Variants in VIT observed in about 807,000 individuals in gnomAD.
VIT encodes vitrin.
Under a neutral mutation model 78.0 loss-of-function variants are expected in VIT, and 99 were observed. The ratio of observed to expected loss-of-function variants is 1.27; its 90% CI spans 1.08 to 1.50. The LOEUF is 1.50. Ranked by LOEUF, VIT falls within the 40% of genes most tolerant of loss-of-function variation. VIT has a pLI of 0.00. For missense variants in VIT, 1,126 were observed against 875.3 expected, an observed-to-expected ratio of 1.29 and a Z score of -3.61; for synonymous variants, 374 against 334.3, an observed-to-expected ratio of 1.12 and a Z score of -1.29.
intron 12 of VIT, among the ~76,000 whole-genome samples, chr2:36,799,647 G>C (rs1215472952): frequency 6.6e-6 from 1 of 151,598 alleles, no homozygotes; most frequent in Non-Finnish European, 1.5e-5. Flanking sequence ...AGCCCAGGAA[G>C]TTGAGGCTGC....
Position 36,814,579 on chromosome 2 carries a change from T to G in VIT, c.*218T>G. The G allele has an allele frequency of 1.8e-6, 1 of 561,324 alleles. No homozygotes were observed. The highest frequency in any genetic ancestry group is 3.0e-5 in the East Asian group (1 of 33,506). The allele number at this position is 561,324 out of a possible 1,614,324, so 34.8% of individuals were successfully genotyped here. A position where few individuals can be genotyped will look rare whatever the true frequency, so the allele number is the denominator to read the frequency against. The stretch of plus-strand genomic sequence containing the variant: ...GTATAGAATGAGCCAAAAGGCTACA[T>G]CATGTTGAGGGTGCTGGAGATTTTA... On this transcript the variant is annotated 3_prime_UTR_variant, in exon 16 of 16. Transcript: ENST00000379242.
intron 13 of VIT, among the ~76,000 whole-genome samples, chr2:36,802,796 T>A (rs1003233892): frequency 6.6e-6 from 1 of 152,160 alleles, no homozygotes; most frequent in African/African-American, 2.4e-5. Flanking sequence ...TTGTCCAGAG[T>A]TTGGGTTCTG....
At chr2:36,756,035 G>T (rs558726680) in intron 5 of VIT, among the ~76,000 whole-genome samples, 4 of 143,604 alleles carry the variant, frequency 2.8e-5, no homozygotes, top group Non-Finnish European at 6.0e-5. Flanking sequence ...TCGGCTCACC[G>T]CAACCTCTGC....
At chr2:36,801,912 G>T (rs962804800) in intron 13 of VIT, among the ~76,000 whole-genome samples, 1 of 152,120 alleles carries the variant, frequency 6.6e-6, no homozygotes, top group Non-Finnish European at 1.5e-5. Flanking sequence ...TGCAAGAAGG[G>T]GTAGCATTCT....
At chr2:36,808,202 T>C (rs1265760017) in intron 14 of VIT, among the ~76,000 whole-genome samples, 1 of 152,168 alleles carries the variant, frequency 6.6e-6, no homozygotes, top group Admixed American at 6.5e-5. Flanking sequence ...GAGATTTAAT[T>C]TCTCCCTATG....
chr2:36,733,343 T>TC (rs201443741), intron 3 of VIT, among the ~76,000 whole-genome samples: 3,766 of 151,622 alleles, frequency 0.025, 145 homozygotes, highest in African/African-American at 0.085. Context: ...TCTCTCTCTC[T>TC]CCCCCCCTCT....
At chr2:36,752,748 T>A (rs1009666201) in intron 4 of VIT, among the ~76,000 whole-genome samples, 3 of 152,204 alleles carry the variant, frequency 2.0e-5, no homozygotes, top group Non-Finnish European at 2.9e-5. Flanking sequence ...AGCATAACAA[T>A]TGGCTCTCAC....
intron 10 of VIT, among the ~76,000 whole-genome samples, chr2:36,782,893 T>C (rs1259383930): frequency 1.3e-5 from 2 of 152,242 alleles, no homozygotes; most frequent in Non-Finnish European, 2.9e-5. Context: ...GTCCTTCTTG[T>C]GCCTTACTCA....
At chr2:36,782,537 C>T (rs1479723029) in intron 10 of VIT, among the ~76,000 whole-genome samples, 2 of 152,228 alleles carry the variant, frequency 1.3e-5, no homozygotes, top group Non-Finnish European at 2.9e-5. Context: ...CCGGAACTTC[C>T]GGGCCTCCTG....
intron 9 of VIT, among the ~76,000 whole-genome samples, chr2:36,781,135 C>T (rs1470796175): frequency 1.3e-5 from 2 of 152,126 alleles, no homozygotes; most frequent in South Asian, 4.1e-4. Flanking sequence ...GGGAAATAAG[C>T]GGATTGCCTG....
At chr2:36,794,921 A>C (rs1463234030) in intron 12 of VIT, among the ~76,000 whole-genome samples, 1 of 152,200 alleles carries the variant, frequency 6.6e-6, no homozygotes, top group Non-Finnish European at 1.5e-5. Flanking sequence ...TATGCCTCTG[A>C]AGATGGATTC....
At chr2:36,758,609 G>C (rs925117535) in intron 5 of VIT, among the ~76,000 whole-genome samples, 4 of 152,224 alleles carry the variant, frequency 2.6e-5, no homozygotes, top group African/African-American at 9.6e-5. Context: ...TCTCAAAGGA[G>C]AGCATGTGGA....
At chr2:36,798,004 G>GCAAATGCA (rs1666032537) in intron 12 of VIT, among the ~76,000 whole-genome samples, 1 of 152,050 alleles carries the variant, frequency 6.6e-6, no homozygotes, top group South Asian at 2.1e-4. Context: ...GAAGAAGTGA[G>GCAAATGCA]CAAATGCACA....
Position 36,719,274 on chromosome 2 carries a change from G to C in VIT, c.52+2852G>C, listed in dbSNP as rs1666346698. Among the ~76,000 whole-genome samples, 6 of 152,146 alleles carry C rather than the reference G, an allele frequency of 3.9e-5. No homozygotes were observed. The South Asian group carries it at 1.2e-3, about 32-fold the overall frequency. On this transcript the variant is annotated intron_variant, in intron 2 of 15. Coordinates refer to ENST00000379242, the MANE Select transcript of VIT (RefSeq NM_053276.4). ...CCTAAAAGCTTTTCCTCTAAGATCA[G>C]AAATGAGACAAGGATGCCTACTCTT...
intron 14 of VIT, among the ~76,000 whole-genome samples, chr2:36,807,506 A>G (rs1666818431): frequency 6.6e-6 from 1 of 152,126 alleles, no homozygotes; most frequent in Non-Finnish European, 1.5e-5. Context: ...AGTTTTGTGA[A>G]CTCCATTTAG....
chr2:36,806,305 C>G (rs1203571304), intron 14 of VIT, among the ~76,000 whole-genome samples: 2 of 152,224 alleles, frequency 1.3e-5, no homozygotes, highest in African/African-American at 4.8e-5. Flanking sequence ...GCCCTTCCAG[C>G]TTTAATATTC....
At chr2:36,701,786 T>C (rs11124532) in intron 1 of VIT, among the ~76,000 whole-genome samples, 126,532 of 152,110 alleles carry the variant, frequency 0.83, 53,349 homozygotes, top group Middle Eastern at 0.95. Flanking sequence ...TTGCCCAGAC[T>C]GGCCGTGTTT....
chr2:36,738,112 A>G (rs968831921), intron 3 of VIT, among the ~76,000 whole-genome samples: 2 of 152,214 alleles, frequency 1.3e-5, no homozygotes, highest in Non-Finnish European at 2.9e-5. Flanking sequence ...AAACACACAC[A>G]CACATGCATA....
At chr2:36,718,257 G>T (rs1056461614) in intron 2 of VIT, among the ~76,000 whole-genome samples, 4 of 152,072 alleles carry the variant, frequency 2.6e-5, no homozygotes, top group Admixed American at 1.3e-4. Flanking sequence ...AGTGCTTAAG[G>T]TCTGTTCAGA....
Sources: gnomAD v4.1 joint callset for allele counts (sites outside exome capture counted in the v4.1 genomes callset) on GRCh38, gnomAD v4.1.1 for gene constraint, MANE v1.5 for transcripts, NCBI Gene and HGNC (gene_info 2026-07-23, HGNC 2026-07-21) for gene names.